NCOA6: variants seen among roughly 807,000 people sequenced by gnomAD.
The protein encoded by NCOA6 is NRC RAP250.
Under a neutral mutation model 171.4 loss-of-function variants are expected in NCOA6, and 49 were observed. That is an observed-to-expected ratio of 0.29 (90% CI 0.23 to 0.36). NCOA6 has a LOEUF of 0.36. NCOA6 is among the 10% of genes least tolerant of loss of function. The pLI is 1.00. For synonymous variants in NCOA6, 910 were observed against 927.5 expected (o/e 0.98, Z 0.34); for missense variants, 2,248 against 2,554.5 (o/e 0.88, Z 2.59).
chr20:34,772,030 A>G (rs2077165249), intron 4 of NCOA6, among the ~76,000 whole-genome samples: 1 of 152,152 alleles, frequency 6.6e-6, no homozygotes, highest in Admixed American at 6.5e-5. Context: ...ACTTTCAGAA[A>G]TGTCCTAATT....
Position 34,743,242 on chromosome 20 carries a change from G to T in NCOA6, c.3014C>A (p.Pro1005Gln). Residue 1005 changes from proline (P) to glutamine (Q), a missense_variant, in exon 11 of 15, where the codon CCA becomes CAA. Pro to Gln is a moderately conservative substitution (Grantham distance 76). This residue lies in a region of NCOA6 where 352 missense variants were observed against 419.1 expected (regional missense o/e 0.84). Coordinates refer to ENST00000359003, the MANE Select transcript of NCOA6 (RefSeq NM_014071.5). ...APPPQPPQQQPQPQLPQQQQP... is the reference protein window; with the variant it reads ...APPPQPPQQQQQPQLPQQQQP... The stretch of plus-strand genomic sequence containing the variant: ...CTGCTGCTGAGGCAGTTGTGGCTGT[G>T]GCTGCTGCTGTGGTGGCTGTGGTGG... The T allele has an allele frequency of 3.1e-6, 5 of 1,613,980 alleles. No homozygotes were observed. The highest frequency in any genetic ancestry group is 4.2e-6 in the Non-Finnish European group (5 of 1,179,978).
At chr20:34,718,742 C>T (rs185185310) in intron 14 of NCOA6, among the ~76,000 whole-genome samples, 57 of 152,250 alleles carry the variant, frequency 3.7e-4, no homozygotes, top group African/African-American at 1.3e-3. Flanking sequence ...CTCACCTCAA[C>T]TGATCTGCCC....
intron 2 of NCOA6, among the ~76,000 whole-genome samples, chr20:34,790,479 C>T (rs1292382668): frequency 1.3e-5 from 2 of 152,014 alleles, no homozygotes; most frequent in East Asian, 1.9e-4. Context: ...CTCAACCTCC[C>T]GAGCAGCTGA....
intron 2 of NCOA6, among the ~76,000 whole-genome samples, chr20:34,787,016 C>A (rs1444625107): frequency 6.6e-6 from 1 of 151,908 alleles, no homozygotes; most frequent in East Asian, 1.9e-4. Context: ...AAGAAACTAT[C>A]ATCGGAGTGA....
At chr20:34,791,028 AG>A (rs549295464) in intron 2 of NCOA6, among the ~76,000 whole-genome samples, 80 of 152,326 alleles carry the variant, frequency 5.3e-4, no homozygotes, top group African/African-American at 1.9e-3. Context: ...CGGGAGGTAT[AG>A]GGGATGGGGA....
chr20:34,736,560 G>T (rs916670476), intron 12 of NCOA6, 130 bp downstream of exon 12: 1 of 713,460 alleles, frequency 1.4e-6, no homozygotes, highest in Non-Finnish European at 2.2e-6. Flanking sequence ...ACCAAAGTCT[G>T]CTCTGAAGCA....
chr20:34,817,994 C>T (rs998280321), intron 1 of NCOA6, among the ~76,000 whole-genome samples: 3 of 152,100 alleles, frequency 2.0e-5, no homozygotes, highest in African/African-American at 7.2e-5. Context: ...ATATGGTATG[C>T]AGAGATTAGG....
intron 11 of NCOA6, chr20:34,738,859 C>G (rs758460131): frequency 4.4e-6 from 2 of 455,656 alleles, no homozygotes; most frequent in Non-Finnish European, 8.8e-6. Context: ...CTGATCTTAC[C>G]CTGAAGTTTG....
intron 10 of NCOA6, 57 bp from the exon 11 acceptor site, chr20:34,743,398 A>G (rs2063818171): frequency 6.5e-7 from 1 of 1,528,330 alleles, no homozygotes; most frequent in Non-Finnish European, 8.8e-7. Context: ...AAATGTTGCT[A>G]CCTTTAGAGT....
intron 14 of NCOA6, among the ~76,000 whole-genome samples, chr20:34,719,660 CAA>C (rs1277690569): frequency 1.6e-5 from 2 of 125,968 alleles, no homozygotes; most frequent in Admixed American, 8.0e-5. Context: ...GACTCCATCT[CAA>C]AAAAAAAAAA....
At chr20:34,795,531 T>A (rs2078035185) in intron 1 of NCOA6, among the ~76,000 whole-genome samples, 1 of 152,216 alleles carries the variant, frequency 6.6e-6, no homozygotes, top group African/African-American at 2.4e-5. Flanking sequence ...AAACGTAATC[T>A]GACAGAACTA....
At chr20:34,813,794 T>C (rs2078748089) in intron 1 of NCOA6, among the ~76,000 whole-genome samples, 1 of 151,868 alleles carries the variant, frequency 6.6e-6, no homozygotes. Context: ...ACATTTAAAA[T>C]ATCAAAAAAA....
At chr20:34,786,531 A>T (rs1291567848) in intron 2 of NCOA6, among the ~76,000 whole-genome samples, 1 of 152,118 alleles carries the variant, frequency 6.6e-6, no homozygotes, top group Non-Finnish European at 1.5e-5. Flanking sequence ...TGTCCCAGAG[A>T]TTCTGGTATG....
At position 34,741,374 on chromosome 20, in the gene NCOA6, C is replaced by A; in HGVS notation, c.4882G>T (p.Val1628Phe). The A allele has an allele frequency of 6.2e-7, 1 of 1,614,232 alleles. No homozygotes were observed. Among genetic ancestry groups the A allele is most frequent in the Non-Finnish European group, 8.5e-7 (1 of 1,180,042 alleles). ...THLQSALMSTVVTMPNAGSKV... is the reference protein window; with the variant it reads ...THLQSALMSTFVTMPNAGSKV... ...CTACCCGCATTGGGCATTGTGACAA[C>A]TGTTGACATCAATGCAGACTGCAAG... is the stretch of plus-strand genomic sequence containing the variant. Residue 1628 changes from valine (V) to phenylalanine (F), a missense_variant, in exon 11 of 15, where the codon GTT (valine) becomes TTT (phenylalanine). Val to Phe is a conservative substitution (Grantham distance 50). Transcript: ENST00000359003.
chr20:34,792,489 T>A lies in NCOA6; in HGVS notation c.-89A>T, dbSNP rs1213791866. ...TAATTTTTATCATTTATCCAGGTCA[T>A]CTTCTAAGTCCAAAGAAGCTGGCAT... On this transcript the variant is annotated 5_prime_UTR_variant, in exon 2 of 15. The change abolishes an upstream ATG in the 5' untranslated region. Transcript: ENST00000359003. 1 of 398,552 alleles carries A rather than the reference T, an allele frequency of 2.5e-6. No homozygotes were observed. The highest frequency in any genetic ancestry group is 2.1e-5 in the African/African-American group (1 of 48,604). The allele number at this position is 398,552 out of a possible 1,614,324, so 24.7% of individuals were successfully genotyped here. A position where few individuals can be genotyped will look rare whatever the true frequency, so the allele number is the denominator to read the frequency against.
At position 34,740,658 on chromosome 20, in the gene NCOA6, T is replaced by C; in HGVS notation, c.5598A>G (p.Gly1866=). 3 of 1,614,162 alleles carry C rather than the reference T, an allele frequency of 1.9e-6. No individual in the cohort carries two copies. Among genetic ancestry groups the C allele is most frequent in the Non-Finnish European group, 1.7e-6 (2 of 1,180,030 alleles). Residue 1866 remains glycine, a synonymous_variant, in exon 11 of 15, where the codon GGA becomes GGG. Coordinates refer to ENST00000359003, the MANE Select transcript of NCOA6 (RefSeq NM_014071.5). ...GLDTTAPGLM[G]TEQLSTELDS... is the part of the protein sequence containing the mutation. ...CCAGCTCTGTGGATAACTGCTCTGT[T>C]CCCATGAGCCCCGGAGCTGTGGTGT...
intron 1 of NCOA6, among the ~76,000 whole-genome samples, chr20:34,823,265 C>A (rs557702903): frequency 6.6e-6 from 1 of 152,216 alleles, no homozygotes; most frequent in African/African-American, 2.4e-5. Flanking sequence ...CGCCTGTAAT[C>A]CCAGCACTTT....
rs1287781765 is a variant in NCOA6 at position 34,825,569 on chromosome 20, T to C, written c.-261A>G. On this transcript the variant is annotated 5_prime_UTR_variant, in exon 1 of 15. Transcript: ENST00000359003. ...GTGCGTCCGTCCGTCAGTCCTCGCG[T>C]GCGCCCGTCTGTCCCGCCGCCCGCG... The C allele has an allele frequency of 2.1e-5, 3 of 146,144 alleles. No individual in the cohort carries two copies. Among genetic ancestry groups the C allele is most frequent in the African/African-American group, 7.6e-5 (3 of 39,734 alleles). 9.1% of individuals were successfully genotyped at this position (146,144 alleles called of 1,614,324 possible). A position where few individuals can be genotyped will look rare whatever the true frequency, so the allele number is the denominator to read the frequency against.
intron 5 of NCOA6, 141 bp downstream of exon 5, chr20:34,768,323 C>A: frequency 2.7e-6 from 3 of 1,120,164 alleles, no homozygotes; most frequent in Non-Finnish European, 2.5e-6. Flanking sequence ...CCGGGAAGGA[C>A]TCATGTCTAG....
Sources: allele counts gnomAD v4.1 joint callset (sites outside exome capture counted in the v4.1 genomes callset), GRCh38; gene constraint gnomAD v4.1.1; regional missense constraint gnomAD v4.1.1; transcripts MANE v1.5; gene names NCBI Gene and HGNC (gene_info 2026-07-23, HGNC 2026-07-21).